The following GNA15 variants were observed in gnomAD, a reference collection of about 807,000 sequenced individuals.
GNA15 encodes guanine nucleotide-binding protein subunit alpha-15.
GNA15 carries 23 observed loss-of-function variants against 40.1 expected under a neutral mutation model. That is an observed-to-expected ratio of 0.57 (90% CI 0.41 to 0.81). The LOEUF (loss-of-function observed/expected upper bound fraction) is 0.81, where lower values mean the gene tolerates loss of function less well. GNA15 is among the 40% of genes least tolerant of loss of function. The pLI, the probability that GNA15 is intolerant of heterozygous loss-of-function variation, is 0.00. For missense variants in GNA15, 522 were observed against 515.8 expected (o/e 1.01, Z -0.12); for synonymous variants, 226 against 210.4 (o/e 1.07, Z -0.64).
At chr19:3,145,357 A>ATTTTT (rs1425408476) in intron 1 of GNA15, among the ~76,000 whole-genome samples, 26 of 41,662 alleles carry the variant, frequency 6.2e-4, no homozygotes, top group African/African-American at 2.1e-3. Context: ...ATATATATAT[A>ATTTTT]TATTTTTTTT....
At chr19:3,138,520 G>T (rs1278170182) in intron 1 of GNA15, among the ~76,000 whole-genome samples, 1 of 152,250 alleles carries the variant, frequency 6.6e-6, no homozygotes, top group African/African-American at 2.4e-5. Context: ...TCCTCGTTCA[G>T]TGGGAAGAGG....
At chr19:3,162,509 G>C (rs1441002722) in intron 6 of GNA15, among the ~76,000 whole-genome samples, 1 of 152,232 alleles carries the variant, frequency 6.6e-6, no homozygotes, top group Admixed American at 6.5e-5. Context: ...GCGAGGCCAA[G>C]AGAGTGTCTC....
intron 3 of GNA15, among the ~76,000 whole-genome samples, chr19:3,150,922 G>A (rs1338319191): frequency 1.3e-5 from 2 of 150,916 alleles, no homozygotes; most frequent in Non-Finnish European, 3.0e-5. Flanking sequence ...TTCCCAGGGA[G>A]ACCCTATTTC....
At chr19:3,145,359 A>ATTTTTTT (rs71179976) in intron 1 of GNA15, among the ~76,000 whole-genome samples, 19 of 46,970 alleles carry the variant, frequency 4.0e-4, no homozygotes, top group African/African-American at 1.4e-3. Context: ...ATATATATAT[A>ATTTTTTT]TTTTTTTTTT....
intron 1 of GNA15, 48 bp from the exon 2 acceptor site, chr19:3,148,543 G>T (rs1321452116): frequency 6.7e-7 from 1 of 1,497,646 alleles, no homozygotes; most frequent in African/African-American, 1.4e-5. Flanking sequence ...GGGTGTCGGG[G>T]GTGGGAGTCC....
Position 3,163,087 on chromosome 19 carries a change from C to CT in GNA15, c.*69dup. On this transcript the variant is annotated 3_prime_UTR_variant, in exon 7 of 7. Transcript: ENST00000262958. ...GAGGTGGGAGTGGCTGCAGGGACCC[C>CT]TAGTGTCCCTGGTCTATCTCTCCAG... 1.0e-6 allele frequency: 1 copy of CT among 974,200 alleles called. No individual in the cohort carries two copies. Among genetic ancestry groups the CT allele is most frequent in the Non-Finnish European group, 1.6e-6 (1 of 611,058 alleles). 60.3% of individuals were successfully genotyped at this position (974,200 alleles called of 1,614,324 possible).
At chr19:3,148,914 A>G (rs1396148948) in intron 2 of GNA15, 139 bp downstream of exon 2, 2 of 781,506 alleles carry the variant, frequency 2.6e-6, no homozygotes, top group Non-Finnish European at 4.0e-6. Context: ...GGGTCCCCAG[A>G]CCCTGGGGCA....
Position 3,163,723 on chromosome 19 carries a change from C to T in GNA15, c.*704C>T, listed in dbSNP as rs1446085105. 6.6e-6 allele frequency: 1 copy of T among 152,216 alleles called. No homozygotes were observed. The highest frequency in any genetic ancestry group is 1.5e-5 in the Non-Finnish European group (1 of 68,042). The allele number at this position is 152,216 out of a possible 1,614,324, so 9.4% of individuals were successfully genotyped here. A position where few individuals can be genotyped will look rare whatever the true frequency, so the allele number is the denominator to read the frequency against. Reference sequence around the variant, plus strand: ...CACCTTCTGCAGGGCTCCGTGCGGGCTGAAATTAAAGATTTCTTAGAGGCT... The same window carrying T: ...CACCTTCTGCAGGGCTCCGTGCGGGTTGAAATTAAAGATTTCTTAGAGGCT... On this transcript the variant is annotated 3_prime_UTR_variant, in exon 7 of 7. Transcript: ENST00000262958.
chr19:3,142,941 G>A (rs1914611756), intron 1 of GNA15: 1 of 152,078 alleles, frequency 6.6e-6, no homozygotes, highest in Admixed American at 6.6e-5. Flanking sequence ...AGGCAATTGG[G>A]GGACAGGAGC....
At chr19:3,150,544 G>A (rs958620395) in intron 3 of GNA15, among the ~76,000 whole-genome samples, 1 of 151,908 alleles carries the variant, frequency 6.6e-6, no homozygotes, top group African/African-American at 2.4e-5. Flanking sequence ...CTGTTCTGGC[G>A]GTGATCTTGT....
intron 5 of GNA15, among the ~76,000 whole-genome samples, chr19:3,157,047 G>A (rs1915046765): frequency 6.6e-6 from 1 of 151,800 alleles, no homozygotes; most frequent in African/African-American, 2.4e-5. Context: ...GCCCAGGTTA[G>A]AGTGCAGTGG....
At chr19:3,160,937 C>CTTTT (rs149959587) in intron 6 of GNA15, among the ~76,000 whole-genome samples, 2 of 101,458 alleles carry the variant, frequency 2.0e-5, no homozygotes, top group African/African-American at 4.5e-5. Context: ...GGTATGACCA[C>CTTTT]TTTTTTTTTT....
In GNA15 at chr19:3,157,862, C is replaced by G; in HGVS notation, c.879C>G (p.Thr293=). The G allele has an allele frequency of 6.2e-7, 1 of 1,613,450 alleles. No individual in the cohort carries two copies. The highest frequency in any genetic ancestry group is 2.2e-5 in the East Asian group (1 of 44,884). ...AAATCCCCACCTCCCACCTGGCTAC[C>G]TATTTCCCCAGTTTCCAGGGTAAGT... is the stretch of plus-strand genomic sequence containing the variant. The part of the protein sequence containing the change: ...EEKIPTSHLA[T]YFPSFQGPKQ... The change falls in exon 6 of 7, where the codon ACC becomes ACG. Residue 293 remains threonine (T), a synonymous_variant. Transcript: ENST00000262958.
In GNA15 at chr19:3,160,031, T is replaced by G. The variant is rs922504100; in HGVS notation, c.898+2150T>G. On this transcript the variant is annotated intron_variant, in intron 6 of 6. Transcript: ENST00000262958. ...GGTGGCGGGTGTCCTGCTTAGCTAC[T>G]GCCGAGTAACAAACCATCCCCAAAC... 6.6e-5 allele frequency among the ~76,000 whole-genome samples: 10 copies of G among 152,218 alleles called. No homozygotes were observed. In the East Asian group the frequency reaches 1.9e-3, roughly 29 times the overall value.
At chr19:3,142,705 C>T (rs1033960127) in intron 1 of GNA15, among the ~76,000 whole-genome samples, 2 of 151,984 alleles carry the variant, frequency 1.3e-5, no homozygotes, top group African/African-American at 2.4e-5. Flanking sequence ...AACCTCGTCT[C>T]TACTAAAAAC....
In GNA15 at chr19:3,163,159, G is replaced by A; in HGVS notation, c.*140G>A. The A allele has an allele frequency of 1.6e-6, 1 of 635,098 alleles. No homozygotes were observed. The highest frequency in any genetic ancestry group is 1.8e-5 in the South Asian group (1 of 55,422). The allele number at this position is 635,098 out of a possible 1,614,324, so 39.3% of individuals were successfully genotyped here. On this transcript the variant is annotated 3_prime_UTR_variant, in exon 7 of 7. Transcript: ENST00000262958. Reference sequence around the variant, plus strand: ...GTCGGGGGACGGACGGCCCGCTGCTGGCCGCTCTCTTCTCTGCCTCTCACC... The same window carrying A: ...GTCGGGGGACGGACGGCCCGCTGCTAGCCGCTCTCTTCTCTGCCTCTCACC...
At position 3,163,299 on chromosome 19, in the gene GNA15, AT is replaced by A; in HGVS notation, c.*281del. On this transcript the variant is annotated 3_prime_UTR_variant, in exon 7 of 7. Transcript: ENST00000262958. ...CCAGGGTGGATGAAAAGGTGAAGAA[AT>A]CAGGGGATTGAGGACTTGGGTGGGT... The A allele has an allele frequency of 2.1e-6, 1 of 476,558 alleles. No individual in the cohort carries two copies. The highest frequency in any genetic ancestry group is 2.3e-5 in the South Asian group (1 of 43,946). The allele number at this position is 476,558 out of a possible 1,614,324, so 29.5% of individuals were successfully genotyped here.
chr19:3,143,778 T>C (rs554826072), intron 1 of GNA15, among the ~76,000 whole-genome samples: 24 of 152,134 alleles, frequency 1.6e-4, no homozygotes, highest in African/African-American at 5.5e-4. Context: ...AGCAATTCCC[T>C]CAACGGCCCC....
chr19:3,153,041 T>G (rs533445248), intron 4 of GNA15, among the ~76,000 whole-genome samples: 4 of 151,764 alleles, frequency 2.6e-5, no homozygotes, highest in Admixed American at 6.6e-5. Flanking sequence ...TGTGGAAGCT[T>G]TGTTCTTTCG....
Sources: gnomAD v4.1 joint callset for allele counts (sites outside exome capture counted in the v4.1 genomes callset) on GRCh38, gnomAD v4.1.1 for gene constraint, MANE v1.5 for transcripts, NCBI Gene and HGNC (gene_info 2026-07-23, HGNC 2026-07-21) for gene names.